The following AFF1 variants were observed in gnomAD, a reference collection of about 807,000 sequenced individuals.
AFF1 encodes the protein ALF transcription elongation factor 1, also known as AF4/FMR2 family member 1.
Under a neutral mutation model 121.7 loss-of-function variants are expected in AFF1, and 48 were observed. The observed-to-expected ratio is 0.39, with a 90% confidence interval of 0.31 to 0.50. The LOEUF is 0.50. AFF1 is among the 20% of genes least tolerant of loss of function. AFF1 has a pLI of 0.76. For missense variants in AFF1, 1,523 were observed against 1,511.7 expected (o/e 1.01, Z -0.12); for synonymous variants, 613 against 563.0 (o/e 1.09, Z -1.26).
chr4:87,106,563 G>T lies in AFF1; in HGVS notation c.1376+718G>T, dbSNP rs183079852. On this transcript the variant is annotated intron_variant, in intron 10 of 20. Transcript: ENST00000395146. ...ATTATGCCTGTTTTCTTAGTTACAT[G>T]AATTTTCATATTGTTTCAGCTGCTT... 2.0e-4 allele frequency among the ~76,000 whole-genome samples: 30 copies of T among 152,216 alleles called. No homozygotes were observed. The East Asian group carries it at 5.4e-3, about 27-fold the overall frequency.
In AFF1 at chr4:86,978,309, G is replaced by A. The variant is rs549593442; in HGVS notation, c.38+29738G>A. ...AGCGATTCTCCTGCCTCAGCCTCCC[G>A]AAGAGCTGGGACTACAGACGCGTGC... On this transcript the variant is annotated intron_variant, in intron 2 of 20. Transcript: ENST00000395146. Among the ~76,000 whole-genome samples the A allele has an allele frequency of 8.2e-5, 12 of 146,190 alleles. No individual in the cohort carries two copies. The South Asian group carries it at 1.7e-3, about 21-fold the overall frequency.
At chr4:87,002,129 G>A (rs1725774679) in intron 2 of AFF1, among the ~76,000 whole-genome samples, 2 of 148,316 alleles carry the variant, frequency 1.3e-5, no homozygotes, top group African/African-American at 2.5e-5. Flanking sequence ...TCCCAGAGAC[G>A]GTCTTGCTCT....
chr4:87,049,247 G>A (rs1332019025), intron 4 of AFF1, among the ~76,000 whole-genome samples: 2 of 152,064 alleles, frequency 1.3e-5, no homozygotes, highest in African/African-American at 2.4e-5. Context: ...CAGAGAAATC[G>A]GTCCTTGCTG....
At chr4:87,049,770 G>A (rs180991734) in intron 4 of AFF1, 7 of 456,098 alleles carry the variant, frequency 1.5e-5, no homozygotes, top group Admixed American at 1.4e-4. Context: ...TTGGTGAGTG[G>A]GAGGATGGAA....
At chr4:87,084,495 G>A (rs1313878838) in intron 5 of AFF1, among the ~76,000 whole-genome samples, 1 of 151,638 alleles carries the variant, frequency 6.6e-6, no homozygotes, top group African/African-American at 2.4e-5. Flanking sequence ...GCTGCTGTGA[G>A]CTGAGATCAC....
At chr4:87,028,920 G>A (rs546959939) in intron 2 of AFF1, among the ~76,000 whole-genome samples, 1 of 152,320 alleles carries the variant, frequency 6.6e-6, no homozygotes, top group African/African-American at 2.4e-5. Flanking sequence ...GGTGCCCTTA[G>A]TTGATGTCTG....
At chr4:87,093,388 T>C (rs1202061398) in intron 7 of AFF1, among the ~76,000 whole-genome samples, 6 of 152,180 alleles carry the variant, frequency 3.9e-5, no homozygotes, top group Non-Finnish European at 8.8e-5. Context: ...GGGGTATGGA[T>C]GGATATAGCT....
intron 2 of AFF1, among the ~76,000 whole-genome samples, chr4:86,953,161 A>G (rs1721494510): frequency 6.6e-6 from 1 of 152,096 alleles, no homozygotes; most frequent in Non-Finnish European, 1.5e-5. Context: ...TACTTTTATC[A>G]TAATTTCTAG....
intron 2 of AFF1, among the ~76,000 whole-genome samples, chr4:86,959,491 CTT>C (rs34054629): frequency 4.1e-5 from 4 of 97,984 alleles, no homozygotes; most frequent in African/African-American, 9.6e-5. Context: ...CCTTAATACT[CTT>C]TTTTTTTTTT....
chr4:87,113,665 C>G (rs1292755655), intron 11 of AFF1, among the ~76,000 whole-genome samples: 1 of 152,158 alleles, frequency 6.6e-6, no homozygotes, highest in Admixed American at 6.5e-5. Flanking sequence ...TCACTGTATA[C>G]TATATGTGAT....
At chr4:87,017,708 T>C (rs1024195824) in intron 2 of AFF1, among the ~76,000 whole-genome samples, 1 of 152,242 alleles carries the variant, frequency 6.6e-6, no homozygotes, top group African/African-American at 2.4e-5. Flanking sequence ...GAGCCTCACA[T>C]GCAAAGATAA....
Position 87,007,047 on chromosome 4 carries a change from GGC to G in AFF1, c.39-39116_39-39115del, listed in dbSNP as rs1726205755. On this transcript the variant is annotated intron_variant, in intron 2 of 20. Transcript: ENST00000395146. ...TTGTGCTGTTGCTGGGCAGGCGTTG[GGC>G]GCCGGCGGTCTTCGAGCGTGGGGGC... is the stretch of plus-strand genomic sequence containing the variant. 8.4e-6 allele frequency: 10 copies of G among 1,185,356 alleles called. No individual in the cohort carries two copies. The South Asian group carries it at 2.5e-4, about 30-fold the overall frequency. 73.4% of individuals were successfully genotyped at this position (1,185,356 alleles called of 1,614,324 possible).
At chr4:87,031,645 GAC>G (rs1360426271) in intron 2 of AFF1, among the ~76,000 whole-genome samples, 8 of 152,090 alleles carry the variant, frequency 5.3e-5, no homozygotes, top group South Asian at 4.1e-4. Flanking sequence ...TCTCAACTTT[GAC>G]GTAAATAATA....
chr4:87,129,230 C>T (rs1260622204), intron 16 of AFF1, among the ~76,000 whole-genome samples: 1 of 152,184 alleles, frequency 6.6e-6, no homozygotes, highest in African/African-American at 2.4e-5. Flanking sequence ...ATAATATTCT[C>T]CCTTAATAGC....
Position 87,084,605 on chromosome 4 carries a change from A to AAAT in AFF1, c.1104+444_1104+446dup, listed in dbSNP as rs1560609334. On this transcript the variant is annotated intron_variant, in intron 5 of 20. Transcript: ENST00000395146. ...ATAAATAAATAAATAAATAAATAAA[A>AAAT]AATAAAGAACAGTTGTTGTTCCCAA... Among the ~76,000 whole-genome samples the AAAT allele has an allele frequency of 7.6e-5, 9 of 118,556 alleles. No individual in the cohort carries two copies. The South Asian group carries it at 1.2e-3, about 16-fold the overall frequency. 77.8% of individuals were successfully genotyped at this position (118,556 alleles called of 152,430 possible).
At chr4:86,949,542 T>TTTTA (rs1721135047) in intron 2 of AFF1, 2 of 163,626 alleles carry the variant, frequency 1.2e-5, no homozygotes, top group African/African-American at 4.0e-5. Context: ...TTATTATTTT[T>TTTTA]TTTTTTTTTT....
chr4:87,004,051 T>C (rs1273487133), intron 2 of AFF1, among the ~76,000 whole-genome samples: 1 of 152,240 alleles, frequency 6.6e-6, no homozygotes, highest in Non-Finnish European at 1.5e-5. Context: ...GGAGAATTTA[T>C]TGAAATGCGT....
intron 18 of AFF1, 74 bp from the exon 19 acceptor site, chr4:87,132,196 GC>G: frequency 6.5e-7 from 1 of 1,546,828 alleles, no homozygotes. Flanking sequence ...TGTTCATTAG[GC>G]TATAAAAGGT....
Position 87,071,131 on chromosome 4 carries a change from G to A in AFF1, c.1060-12989G>A, listed in dbSNP as rs982905945. On this transcript the variant is annotated intron_variant, in intron 4 of 20. Transcript: ENST00000395146. ...GGAGGACCTGTTACCACCAGACTTAGGAGGTAGTAGTTTTCCAGTGACTTT... is the reference window on the plus strand; with the variant it reads ...GGAGGACCTGTTACCACCAGACTTAAGAGGTAGTAGTTTTCCAGTGACTTT... 2.0e-5 allele frequency among the ~76,000 whole-genome samples: 3 copies of A among 151,582 alleles called. No homozygotes were observed. In the East Asian group the frequency reaches 5.8e-4, roughly 29 times the overall value.
Sources: gnomAD v4.1 joint callset for allele counts (sites outside exome capture counted in the v4.1 genomes callset) on GRCh38, gnomAD v4.1.1 for gene constraint, MANE v1.5 for transcripts, NCBI Gene and HGNC (gene_info 2026-07-23, HGNC 2026-07-21) for gene names.